Variants in IRAK2 observed in about 807,000 individuals in gnomAD.
IRAK2 encodes interleukin 1 receptor associated kinase 2.
In IRAK2, 57 loss-of-function variants were observed where a neutral mutation model predicts 72.0. That is an observed-to-expected ratio of 0.79 (90% confidence interval 0.64 to 0.99). The LOEUF (loss-of-function observed/expected upper bound fraction) is 0.99, where lower values mean the gene tolerates loss of function less well. IRAK2 is among the 50% of genes least tolerant of loss of function. The probability of loss-of-function intolerance (pLI) is 0.00; values close to 1 mark genes in which losing one functional copy is unlikely to be tolerated. For missense variants in IRAK2, 790 were observed against 794.4 expected (o/e 0.99, Z 0.07); for synonymous variants, 293 against 312.7 (o/e 0.94, Z 0.67).
At chr3:10,227,649 G>C (rs1045636916) in intron 10 of IRAK2, among the ~76,000 whole-genome samples, 6 of 151,436 alleles carry the variant, frequency 4.0e-5, no homozygotes, top group African/African-American at 1.2e-4. Flanking sequence ...AGATCTCCCT[G>C]AGCCGACATC....
At chr3:10,174,273 T>G (rs1559438302) in intron 1 of IRAK2, among the ~76,000 whole-genome samples, 1 of 152,188 alleles carries the variant, frequency 6.6e-6, no homozygotes. Context: ...AATTGGGCAC[T>G]TCTCCTGGAG....
Position 10,238,131 on chromosome 3 carries a change from G to C in IRAK2, c.1474-617G>C, listed in dbSNP as rs1307207944. ...GTGCACGCACACACACACAGACATA[G>C]GGAGGGGGAAGAATATGAATGAGTG... On this transcript the variant is annotated intron_variant, in intron 11 of 12. Coordinates refer to ENST00000256458, the MANE Select transcript of IRAK2 (RefSeq NM_001570.4). Among the ~76,000 whole-genome samples, 3 of 152,056 alleles carry C rather than the reference G, an allele frequency of 2.0e-5. No homozygotes were observed. In the East Asian group the frequency reaches 5.8e-4, roughly 29 times the overall value.
At chr3:10,165,721 ATTTTTTTTTT>A (rs34176794) in intron 1 of IRAK2, among the ~76,000 whole-genome samples, 8 of 76,774 alleles carry the variant, frequency 1.0e-4, no homozygotes, top group Non-Finnish European at 1.2e-4. Context: ...GTCTTGAACT[ATTTTTTTTTT>A]TTTTTTTTTT....
Position 10,164,985 on chromosome 3 carries a change from T to C in IRAK2, c.31T>C (p.Trp11Arg), listed in dbSNP as rs745440775. The change falls in exon 1 of 13, where the codon TGG (tryptophan) becomes CGG (arginine). Residue 11 changes from tryptophan (W) to arginine (R), a missense_variant. By Grantham distance (101) the Trp-to-Arg change is moderately radical. Coordinates refer to ENST00000256458, the MANE Select transcript of IRAK2 (RefSeq NM_001570.4). MACYIYQLPS[W>R]VLDDLCRNMD... ...CTGCTACATCTACCAGCTGCCCTCCTGGGTGCTGGACGACCTGTGCCGCAA... is the reference window on the plus strand; with the variant it reads ...CTGCTACATCTACCAGCTGCCCTCCCGGGTGCTGGACGACCTGTGCCGCAA... 9.3e-6 allele frequency: 15 copies of C among 1,611,424 alleles called. No homozygotes were observed. Among genetic ancestry groups the C allele is most frequent in the African/African-American group, 1.3e-5 (1 of 74,756 alleles).
chr3:10,237,929 CTGTGTGTGTGTGTGTGTG>C (rs138639711), intron 11 of IRAK2, among the ~76,000 whole-genome samples: 2 of 138,250 alleles, frequency 1.4e-5, no homozygotes, highest in African/African-American at 2.7e-5. Context: ...TATGTGTGCT[CTGTGTGTGTGTGTGTGTG>C]TGTGTGTGTG....
chr3:10,237,929 C>CTGTGTGTG (rs138639711), intron 11 of IRAK2, among the ~76,000 whole-genome samples: 21,004 of 138,124 alleles, frequency 0.15, 1,677 homozygotes, highest in Middle Eastern at 0.19. Context: ...TATGTGTGCT[C>CTGTGTGTG]TGTGTGTGTG....
At chr3:10,199,167 T>A (rs1697316130) in intron 2 of IRAK2, among the ~76,000 whole-genome samples, 1 of 152,002 alleles carries the variant, frequency 6.6e-6, no homozygotes. Flanking sequence ...CCAGAAGGGA[T>A]AAGATCAGGG....
At chr3:10,238,278 T>A (rs1449127493) in intron 11 of IRAK2, among the ~76,000 whole-genome samples, 1 of 152,162 alleles carries the variant, frequency 6.6e-6, no homozygotes, top group Non-Finnish European at 1.5e-5. Context: ...CCATTGTGTC[T>A]CTCTGTCTGT....
intron 1 of IRAK2, among the ~76,000 whole-genome samples, chr3:10,171,913 C>A (rs1175213124): frequency 6.6e-6 from 1 of 151,752 alleles, no homozygotes; most frequent in East Asian, 2.0e-4. Flanking sequence ...CTACAGGCGC[C>A]CGCCACCACA....
chr3:10,197,851 C>CA (rs572341353), intron 2 of IRAK2, among the ~76,000 whole-genome samples: 1,632 of 101,398 alleles, frequency 0.016, 16 homozygotes, highest in South Asian at 0.065. Context: ...GACTCCGTCT[C>CA]AAAAAAAAAA....
intron 1 of IRAK2, 36 bp from the exon 2 acceptor site, chr3:10,177,802 T>C (rs2125142471): frequency 3.1e-6 from 5 of 1,601,018 alleles, no homozygotes; most frequent in Non-Finnish European, 4.3e-6. Flanking sequence ...GGACTGCCTC[T>C]CTGACTCTAA....
At chr3:10,241,602 G>A (rs1193671822) in intron 12 of IRAK2, among the ~76,000 whole-genome samples, 1 of 115,772 alleles carries the variant, frequency 8.6e-6, no homozygotes, top group Non-Finnish European at 1.7e-5. Flanking sequence ...TGGGCTGGGT[G>A]CTGTGGCTCA....
intron 2 of IRAK2, among the ~76,000 whole-genome samples, chr3:10,186,894 T>G (rs1241929802): frequency 1.3e-5 from 2 of 150,706 alleles, no homozygotes; most frequent in African/African-American, 2.5e-5. Context: ...TGAACTCTTG[T>G]GCTCAAACAG....
chr3:10,213,135 C>A, intron 4 of IRAK2, 72 bp from the exon 5 acceptor site: 2 of 1,302,474 alleles, frequency 1.5e-6, no homozygotes, highest in Non-Finnish European at 1.1e-6. Context: ...CTCTGGTGTT[C>A]CAAGGTCCCT....
At chr3:10,204,932 A>G (rs1235952708) in intron 3 of IRAK2, among the ~76,000 whole-genome samples, 1 of 152,064 alleles carries the variant, frequency 6.6e-6, no homozygotes. Context: ...ATCTATCACT[A>G]TCACCCAACA....
chr3:10,172,425 C>T (rs1696810120), intron 1 of IRAK2, among the ~76,000 whole-genome samples: 1 of 150,294 alleles, frequency 6.7e-6, no homozygotes, highest in East Asian at 2.0e-4. Context: ...GTAATCCCAG[C>T]TATTCGGGAG....
chr3:10,212,079 CAAA>C (rs34310634), intron 4 of IRAK2, among the ~76,000 whole-genome samples: 1 of 121,602 alleles, frequency 8.2e-6, no homozygotes, highest in Non-Finnish European at 1.7e-5. Flanking sequence ...GACTCTGTCT[CAAA>C]AAAAAAAAAA....
At chr3:10,222,918 G>A (rs1388490842) in intron 9 of IRAK2, 87 bp downstream of exon 9, 9 of 1,219,704 alleles carry the variant, frequency 7.4e-6, no homozygotes, top group African/African-American at 1.5e-5. Context: ...TACGGTAGAG[G>A]CACACAGACA....
intron 10 of IRAK2, among the ~76,000 whole-genome samples, chr3:10,230,715 C>A (rs1408488446): frequency 6.6e-6 from 1 of 151,604 alleles, no homozygotes; most frequent in African/African-American, 2.4e-5. Context: ...ACCACAGGCA[C>A]GTGCCGCCAC....
Sources: allele counts gnomAD v4.1 joint callset (sites outside exome capture counted in the v4.1 genomes callset), GRCh38; gene constraint gnomAD v4.1.1; transcripts MANE v1.5; gene names NCBI Gene and HGNC (gene_info 2026-07-23, HGNC 2026-07-21).